SYNPR: variants seen among roughly 807,000 people sequenced by gnomAD.
SYNPR encodes synaptoporin.
Under a neutral mutation model 32.9 loss-of-function variants are expected in SYNPR, and 23 were observed. That is an observed-to-expected ratio of 0.70 (90% CI 0.50 to 0.99). The LOEUF (loss-of-function observed/expected upper bound fraction) is 0.99, where lower values mean the gene tolerates loss of function less well. Ranked by LOEUF, SYNPR falls within the 50% of genes least tolerant of loss-of-function variation. SYNPR has a pLI of 0.00. For synonymous variants in SYNPR, 146 were observed against 135.9 expected, an observed-to-expected ratio of 1.07 and a Z score of -0.52; for missense variants, 318 against 349.3, an observed-to-expected ratio of 0.91 and a Z score of 0.71.
chr3:63,264,618 G>A (rs568715893), intron 2 of SYNPR, among the ~76,000 whole-genome samples: 66 of 152,288 alleles, frequency 4.3e-4, no homozygotes, highest in African/African-American at 1.6e-3. Context: ...GAAGTAAGTG[G>A]TAGCCTGACA....
intron 2 of SYNPR, among the ~76,000 whole-genome samples, chr3:63,424,504 T>G (rs72885407): frequency 0.032 from 4,850 of 152,298 alleles, 230 homozygotes; most frequent in African/African-American, 0.11. Flanking sequence ...CATAAAGCAT[T>G]TAGCACATAG....
chr3:63,408,224 G>GAAA (rs2088397162), intron 2 of SYNPR, among the ~76,000 whole-genome samples: 2 of 44,626 alleles, frequency 4.5e-5, no homozygotes, highest in Admixed American at 2.6e-4. Context: ...AAGGAAGGAA[G>GAAA]GAAGGAAAGA....
intron 3 of SYNPR, among the ~76,000 whole-genome samples, chr3:63,497,287 C>T (rs1701390732): frequency 6.6e-6 from 1 of 152,140 alleles, no homozygotes; most frequent in African/African-American, 2.4e-5. Flanking sequence ...TAAATGTTGG[C>T]ATTGAGAAGA....
intron 2 of SYNPR, among the ~76,000 whole-genome samples, chr3:63,320,080 G>A (rs1186684843): frequency 3.9e-5 from 6 of 151,946 alleles, no homozygotes; most frequent in Admixed American, 3.9e-4. Context: ...CTCCAGAGTA[G>A]GTGGGACTAT....
rs145169901 is a variant in SYNPR at position 63,610,979 on chromosome 3, G to A, written c.600+1663G>A. ...ACAGGTCCAGTGGTGCTGTAGTGATGTATCCATATCAGTTAACAGTCTTCT... is the reference window on the plus strand; with the variant it reads ...ACAGGTCCAGTGGTGCTGTAGTGATATATCCATATCAGTTAACAGTCTTCT... On this transcript the variant is annotated intron_variant, in intron 5 of 5. Transcript: ENST00000478300. Among the ~76,000 whole-genome samples, 556 of 152,300 alleles carry A rather than the reference G, an allele frequency of 3.7e-3. 2 individuals are homozygous for A. Among genetic ancestry groups the A allele is most frequent in the African/African-American group, 0.012 (518 of 41,568 alleles).
chr3:63,371,940 A>C (rs2087818046), intron 2 of SYNPR, among the ~76,000 whole-genome samples: 1 of 152,038 alleles, frequency 6.6e-6, no homozygotes, highest in Non-Finnish European at 1.5e-5. Context: ...CCCACACACA[A>C]CAGCCACCAT....
intron 2 of SYNPR, among the ~76,000 whole-genome samples, chr3:63,347,140 A>G (rs971996331): frequency 6.6e-6 from 1 of 152,228 alleles, no homozygotes; most frequent in Non-Finnish European, 1.5e-5. Context: ...CACCTAGTTT[A>G]TATCAATTAT....
At chr3:63,450,416 G>T (rs761830919) in intron 2 of SYNPR, among the ~76,000 whole-genome samples, 6 of 152,158 alleles carry the variant, frequency 3.9e-5, no homozygotes, top group Non-Finnish European at 8.8e-5. Context: ...GAGTTGAATT[G>T]CCCAAGCTCT....
chr3:63,278,275 T>A (rs557022161), upstream of SYNPR: 96 of 477,828 alleles, frequency 2.0e-4, no homozygotes, highest in African/African-American at 1.7e-3. Flanking sequence ...CCCTCCCCTG[T>A]TGTATCTACC....
At chr3:63,217,916 A>G in the SYNPR span, among the ~76,000 whole-genome samples, 4 of 152,178 alleles carry the variant, frequency 2.6e-5, no homozygotes, top group South Asian at 6.2e-4. Context: ...AGTATCCTTA[A>G]TAAGAGAAAC....
chr3:63,408,202 A>AG (rs2088395155), intron 2 of SYNPR, among the ~76,000 whole-genome samples: 4 of 52,160 alleles, frequency 7.7e-5, no homozygotes, highest in Non-Finnish European at 1.3e-4. Flanking sequence ...AAGAGGAAGG[A>AG]AGGAAGGAAG....
chr3:63,515,694 T>C (rs761717708), intron 3 of SYNPR, among the ~76,000 whole-genome samples: 2 of 152,136 alleles, frequency 1.3e-5, no homozygotes, highest in Non-Finnish European at 2.9e-5. Context: ...ACTCTGTTTT[T>C]ATTACTAAAC....
chr3:63,521,965 C>T (rs1262776742), intron 3 of SYNPR, among the ~76,000 whole-genome samples: 4 of 152,166 alleles, frequency 2.6e-5, no homozygotes, highest in African/African-American at 9.6e-5. Context: ...CAGGTTGAGG[C>T]AGTCCAAAGC....
chr3:63,347,959 G>A (rs2107012967), intron 2 of SYNPR, among the ~76,000 whole-genome samples: 1 of 151,232 alleles, frequency 6.6e-6, no homozygotes, highest in African/African-American at 2.4e-5. Context: ...ATCTGTTGCT[G>A]GACACTTAAG....
chr3:63,463,186 C>T (rs750483411), intron 2 of SYNPR, among the ~76,000 whole-genome samples: 1 of 152,116 alleles, frequency 6.6e-6, no homozygotes, highest in African/African-American at 2.4e-5. Context: ...AGCTATGTCA[C>T]TTTACTGTGG....
At chr3:63,559,070 CTTTT>C (rs34219166) in intron 4 of SYNPR, among the ~76,000 whole-genome samples, 10 of 126,164 alleles carry the variant, frequency 7.9e-5, no homozygotes, top group Admixed American at 7.8e-5. Context: ...TCAATACTTT[CTTTT>C]TTTTTTTTTT....
chr3:63,594,748 C>T (rs888497786), intron 4 of SYNPR, among the ~76,000 whole-genome samples: 3 of 152,180 alleles, frequency 2.0e-5, no homozygotes, highest in Non-Finnish European at 4.4e-5. Context: ...CCACCATTAA[C>T]ACTATCATCA....
intron 2 of SYNPR, among the ~76,000 whole-genome samples, chr3:63,429,712 G>A (rs918492135): frequency 5.9e-5 from 9 of 152,186 alleles, no homozygotes; most frequent in Non-Finnish European, 1.0e-4. Flanking sequence ...AGAATGCAAC[G>A]ACATCCTCAG....
intron 2 of SYNPR, among the ~76,000 whole-genome samples, chr3:63,354,102 TTAA>T (rs1560202418): frequency 6.6e-6 from 1 of 152,166 alleles, no homozygotes; most frequent in South Asian, 2.1e-4. Context: ...AACATGAGCA[TTAA>T]TAATAATAAC....
Sources: gnomAD v4.1 joint callset for allele counts (sites outside exome capture counted in the v4.1 genomes callset) on GRCh38, gnomAD v4.1.1 for gene constraint, MANE v1.5 for transcripts, NCBI Gene and HGNC (gene_info 2026-07-23, HGNC 2026-07-21) for gene names.